KDM4C: variants seen among roughly 807,000 people sequenced by gnomAD.
The protein encoded by KDM4C is lysine-specific demethylase 4C.
KDM4C carries 81 observed loss-of-function variants against 129.3 expected under a neutral mutation model. The ratio of observed to expected loss-of-function variants is 0.63; its 90% CI spans 0.52 to 0.75. KDM4C has a LOEUF of 0.75. Ranked by LOEUF, KDM4C falls within the 30% of genes least tolerant of loss-of-function variation. The pLI is 0.00. For missense variants in KDM4C, 1,457 were observed against 1,304.0 expected (o/e 1.12, Z -1.81); for synonymous variants, 573 against 456.1 (o/e 1.26, Z -3.26).
chr9:6,937,224 A>G (rs571546078), intron 8 of KDM4C, among the ~76,000 whole-genome samples: 1 of 152,326 alleles, frequency 6.6e-6, no homozygotes, highest in South Asian at 2.1e-4. Context: ...GTAATTAAAA[A>G]TTTACTCTCC....
chr9:6,836,663 C>T (rs1835941083), intron 4 of KDM4C, among the ~76,000 whole-genome samples: 1 of 152,102 alleles, frequency 6.6e-6, no homozygotes, highest in African/African-American at 2.4e-5. Flanking sequence ...TTTAGTTTGG[C>T]TTATTTTTGA....
intron 18 of KDM4C, among the ~76,000 whole-genome samples, chr9:7,120,908 T>G (rs1839418056): frequency 6.6e-6 from 1 of 152,194 alleles, no homozygotes. Flanking sequence ...CTGGCTGATA[T>G]TTAAGGAATT....
chr9:6,872,670 C>G (rs562801046), intron 5 of KDM4C, among the ~76,000 whole-genome samples: 2 of 152,160 alleles, frequency 1.3e-5, no homozygotes, highest in South Asian at 4.2e-4. Flanking sequence ...TCTGTTTTAC[C>G]AGAGACTAGG....
chr9:6,949,701 GCGTGGCGGCGCGCGC>G (rs2131490693), intron 8 of KDM4C, among the ~76,000 whole-genome samples: 1 of 152,318 alleles, frequency 6.6e-6, no homozygotes, highest in African/African-American at 2.4e-5. Context: ...AACCAGTCAG[GCGTGGCGGCGCGCGC>G]CTGCAATCGC....
At chr9:7,001,938 A>G (rs918506530) in intron 12 of KDM4C, among the ~76,000 whole-genome samples, 1 of 152,092 alleles carries the variant, frequency 6.6e-6, no homozygotes, top group East Asian at 1.9e-4. Flanking sequence ...TGTTGCCTAC[A>G]CTGGTGTGCA....
At chr9:7,031,845 T>C (rs959823246) in intron 15 of KDM4C, among the ~76,000 whole-genome samples, 13 of 152,184 alleles carry the variant, frequency 8.5e-5, no homozygotes, top group Non-Finnish European at 1.6e-4. Context: ...ATCATAGTTA[T>C]AGAATTAACT....
intron 4 of KDM4C, among the ~76,000 whole-genome samples, chr9:6,844,926 G>A (rs547095119): frequency 6.6e-6 from 1 of 152,312 alleles, no homozygotes; most frequent in African/African-American, 2.4e-5. Flanking sequence ...GACCTCAGGT[G>A]ATCCGCCTGC....
chr9:6,980,897 A>AACAC, intron 8 of KDM4C, 28 bp from the exon 9 acceptor site: 1 of 1,608,244 alleles, frequency 6.2e-7, no homozygotes, highest in Non-Finnish European at 8.5e-7. Context: ...CGAAACGTTT[A>AACAC]ACACTCTCCA....
intron 19 of KDM4C, among the ~76,000 whole-genome samples, chr9:7,144,160 A>G (rs549023643): frequency 1.5e-4 from 23 of 150,550 alleles, no homozygotes; most frequent in Admixed American, 4.6e-4. Context: ...TGTGTTGTCC[A>G]GACTGGTCTC....
intron 8 of KDM4C, among the ~76,000 whole-genome samples, chr9:6,973,512 A>G (rs1832359217): frequency 6.6e-6 from 1 of 152,218 alleles, no homozygotes; most frequent in South Asian, 2.1e-4. Flanking sequence ...ATTGTTTTCG[A>G]CATGGCTGCT....
At chr9:6,804,759 A>C (rs974263249) in intron 2 of KDM4C, among the ~76,000 whole-genome samples, 4 of 128,620 alleles carry the variant, frequency 3.1e-5, no homozygotes, top group African/African-American at 7.6e-5. Context: ...CTCCGTCTCA[A>C]AAAAAAAAAA....
At chr9:6,820,879 ACC>A (rs1451798853) in intron 4 of KDM4C, among the ~76,000 whole-genome samples, 2 of 145,750 alleles carry the variant, frequency 1.4e-5, no homozygotes, top group African/African-American at 5.1e-5. Context: ...CAGCCCCCCA[ACC>A]CCCGACAGGC....
intron 15 of KDM4C, among the ~76,000 whole-genome samples, chr9:7,019,713 AAAAATATAATAT>A (rs1824347030): frequency 9.5e-6 from 1 of 105,368 alleles, no homozygotes; most frequent in African/African-American, 4.3e-5. Flanking sequence ...TTTTATATAT[AAAAATATAATAT>A]TTTTATATAT....
intron 8 of KDM4C, among the ~76,000 whole-genome samples, chr9:6,959,249 C>T (rs982853241): frequency 6.6e-6 from 1 of 152,108 alleles, no homozygotes; most frequent in Non-Finnish European, 1.5e-5. Context: ...CATGCTGGTC[C>T]CACCATGTAG....
intron 12 of KDM4C, among the ~76,000 whole-genome samples, chr9:7,003,757 T>A (rs1821154509): frequency 6.6e-6 from 1 of 152,224 alleles, no homozygotes; most frequent in African/African-American, 2.4e-5. Flanking sequence ...TCTTTTGTAC[T>A]TTTGAACACA....
At chr9:6,866,809 GCTTGGAAGTTTTTTA>G (rs1842051724) in intron 5 of KDM4C, among the ~76,000 whole-genome samples, 1 of 150,560 alleles carries the variant, frequency 6.6e-6, no homozygotes. Context: ...CTTACTATTT[GCTTGGAAGTTTTTTA>G]CTTCTCTGGG....
At chr9:6,954,151 C>T (rs762808251) in intron 8 of KDM4C, among the ~76,000 whole-genome samples, 12 of 152,142 alleles carry the variant, frequency 7.9e-5, no homozygotes, top group Non-Finnish European at 1.5e-4. Flanking sequence ...TGTCTTCTGT[C>T]CCTTCGTACA....
At position 6,952,456 on chromosome 9, in the gene KDM4C, T is replaced by C. The variant is rs548635135; in HGVS notation, c.922-28469T>C. On this transcript the variant is annotated intron_variant, in intron 8 of 21. Coordinates refer to ENST00000381309, the MANE Select transcript of KDM4C (RefSeq NM_015061.6). Reference sequence around the variant, plus strand: ...AATAATAATTATTATTATATGTTTTTTTGAGATGGAGTCTCACTTTGTTGC... The same window carrying C: ...AATAATAATTATTATTATATGTTTTCTTGAGATGGAGTCTCACTTTGTTGC... 4.4e-3 allele frequency among the ~76,000 whole-genome samples: 670 copies of C among 150,920 alleles called. 5 individuals are homozygous for C. The highest frequency in any genetic ancestry group is 8.0e-3 in the Non-Finnish European group (544 of 67,756).
At chr9:7,038,612 AT>A (rs1227753214) in intron 15 of KDM4C, among the ~76,000 whole-genome samples, 3 of 152,054 alleles carry the variant, frequency 2.0e-5, no homozygotes, top group Non-Finnish European at 4.4e-5. Context: ...TATTTTCTCC[AT>A]TATAAACAGA....
Sources: allele counts gnomAD v4.1 joint callset (sites outside exome capture counted in the v4.1 genomes callset), GRCh38; gene constraint gnomAD v4.1.1; transcripts MANE v1.5; gene names NCBI Gene and HGNC (gene_info 2026-07-23, HGNC 2026-07-21).